Variants in SLC8A1 observed in about 807,000 individuals in gnomAD.
SLC8A1 encodes solute carrier family 8 member A1, also known as sodium/calcium exchanger 1.
In SLC8A1, 18 loss-of-function variants were observed where a neutral mutation model predicts 68.3. That is an observed-to-expected ratio of 0.26 (90% CI 0.18 to 0.39). SLC8A1 has a LOEUF of 0.39. SLC8A1 is among the 10% of genes least tolerant of loss of function. The pLI, the probability that SLC8A1 is intolerant of heterozygous loss-of-function variation, is 1.00. For synonymous variants in SLC8A1, 475 were observed against 415.5 expected, an observed-to-expected ratio of 1.14 and a Z score of -1.74; for missense variants, 985 against 1,156.7, an observed-to-expected ratio of 0.85 and a Z score of 2.15.
intron 2 of SLC8A1, among the ~76,000 whole-genome samples, chr2:40,319,048 G>A (rs2074857736): frequency 6.6e-6 from 1 of 152,078 alleles, no homozygotes; most frequent in Admixed American, 6.6e-5. Flanking sequence ...AAGTGAGACA[G>A]GAATACCCAG....
intron 1 of SLC8A1, among the ~76,000 whole-genome samples, chr2:40,479,387 C>T (rs947097833): frequency 6.6e-6 from 1 of 152,082 alleles, no homozygotes; most frequent in Non-Finnish European, 1.5e-5. Context: ...AGAGCTTGAA[C>T]CCACATTCTT....
intron 3 of SLC8A1, among the ~76,000 whole-genome samples, chr2:40,176,598 T>A (rs2048508944): frequency 6.6e-6 from 1 of 152,176 alleles, no homozygotes; most frequent in Non-Finnish European, 1.5e-5. Context: ...CATCTTGAAC[T>A]TGATTAACAC....
At chr2:40,125,028 T>C (rs542391135) in intron 7 of SLC8A1, among the ~76,000 whole-genome samples, 12 of 152,362 alleles carry the variant, frequency 7.9e-5, no homozygotes, top group African/African-American at 2.9e-4. Context: ...GGATTTCTTT[T>C]TGTTGCTTGC....
intron 2 of SLC8A1, among the ~76,000 whole-genome samples, chr2:40,318,293 T>G (rs945818950): frequency 3.3e-5 from 5 of 151,938 alleles, no homozygotes; most frequent in Admixed American, 6.6e-5. Context: ...AATTAGAGCC[T>G]CTCCTGAAAG....
chr2:40,172,523 T>G (rs1177506319), intron 4 of SLC8A1, among the ~76,000 whole-genome samples: 2 of 152,060 alleles, frequency 1.3e-5, no homozygotes, highest in Non-Finnish European at 2.9e-5. Flanking sequence ...CAGGAAAAGT[T>G]GGATATTATC....
At chr2:40,357,767 G>A (rs1048724134) in intron 2 of SLC8A1, among the ~76,000 whole-genome samples, 9 of 152,000 alleles carry the variant, frequency 5.9e-5, no homozygotes, top group Admixed American at 3.9e-4. Flanking sequence ...CTAATCAAAT[G>A]GATTAAAAGC....
chr2:40,343,543 A>G (rs1233445171), intron 2 of SLC8A1, among the ~76,000 whole-genome samples: 1 of 152,238 alleles, frequency 6.6e-6, no homozygotes. Context: ...ATCAGGTGAC[A>G]GTGCTGGAGC....
At position 40,378,902 on chromosome 2, in the gene SLC8A1, C is replaced by G. The variant is rs548483812; in HGVS notation, c.1808+49571G>C. On this transcript the variant is annotated intron_variant, in intron 2 of 7. Transcript: ENST00000406785. ...CATATTCTAAAGTAGCAGTATCAAACACTCTATCTCCTTCTCCTGCCTAAG... is the reference window on the plus strand; with the variant it reads ...CATATTCTAAAGTAGCAGTATCAAAGACTCTATCTCCTTCTCCTGCCTAAG... 2.0e-5 allele frequency among the ~76,000 whole-genome samples: 3 copies of G among 152,164 alleles called. No homozygotes were observed. In the South Asian group the frequency reaches 6.2e-4, roughly 32 times the overall value.
exon 2 of SLC8A1, chr2:40,429,724 C>G: frequency 6.2e-7 from 1 of 1,613,850 alleles, no homozygotes. Context: ...CACATAAACA[C>G]AGAGTGCAAT....
At chr2:40,239,177 C>G (rs1031054661) in intron 2 of SLC8A1, among the ~76,000 whole-genome samples, 9 of 152,146 alleles carry the variant, frequency 5.9e-5, no homozygotes, top group African/African-American at 2.2e-4. Context: ...AAATGTCAAT[C>G]ATGCAAAAAG....
intron 1 of SLC8A1, among the ~76,000 whole-genome samples, chr2:40,438,222 C>G (rs1480634373): frequency 6.6e-6 from 1 of 152,152 alleles, no homozygotes; most frequent in East Asian, 1.9e-4. Context: ...TTGTTCACCA[C>G]TAACCCTGAA....
At chr2:40,214,962 C>A (rs963748916) in intron 2 of SLC8A1, among the ~76,000 whole-genome samples, 1 of 152,150 alleles carries the variant, frequency 6.6e-6, no homozygotes, top group Non-Finnish European at 1.5e-5. Flanking sequence ...TCTCATGGAG[C>A]AGTGGACTAG....
At chr2:40,511,315 C>T (rs959243257) in intron 1 of SLC8A1, among the ~76,000 whole-genome samples, 2 of 152,056 alleles carry the variant, frequency 1.3e-5, no homozygotes, top group African/African-American at 4.8e-5. Flanking sequence ...GCAAAACATG[C>T]ATATTTTAAA....
intron 7 of SLC8A1, 46 bp from the exon 11 acceptor site, chr2:40,115,675 A>G (rs755818311): frequency 6.4e-7 from 1 of 1,568,080 alleles, no homozygotes. Flanking sequence ...TCTTTTAGAG[A>G]TGTCTTTGGA....
intron 1 of SLC8A1, among the ~76,000 whole-genome samples, chr2:40,448,367 T>G (rs1273872815): frequency 6.6e-6 from 1 of 152,206 alleles, no homozygotes; most frequent in Non-Finnish European, 1.5e-5. Flanking sequence ...CCCATTGGAC[T>G]AGTCCTGAAT....
intron 2 of SLC8A1, among the ~76,000 whole-genome samples, chr2:40,380,106 G>T (rs1159299685): frequency 6.6e-6 from 1 of 152,092 alleles, no homozygotes; most frequent in Non-Finnish European, 1.5e-5. Context: ...TCAGTGCTTT[G>T]TAGTTTACAA....
intron 2 of SLC8A1, among the ~76,000 whole-genome samples, chr2:40,180,223 A>G (rs1573653642): frequency 1.6e-5 from 1 of 64,232 alleles, no homozygotes; most frequent in Admixed American, 1.5e-4. Context: ...TATTTTTTAA[A>G]TTTGCATCTT....
exon 8 of SLC8A1, chr2:40,104,841 C>A (rs991290807): frequency 1.3e-5 from 2 of 152,104 alleles, no homozygotes; most frequent in Admixed American, 1.3e-4. Context: ...CTGGAAAACA[C>A]GCTTGCTAAA....
intron 2 of SLC8A1, among the ~76,000 whole-genome samples, chr2:40,249,052 C>T (rs1383303317): frequency 6.6e-6 from 1 of 152,062 alleles, no homozygotes; most frequent in Non-Finnish European, 1.5e-5. Context: ...GCCAACTGTC[C>T]CTGGGTCCTT....
Sources: gnomAD v4.1 joint callset for allele counts (sites outside exome capture counted in the v4.1 genomes callset) on GRCh38, gnomAD v4.1.1 for gene constraint, MANE v1.5 for transcripts, NCBI Gene and HGNC (gene_info 2026-07-23, HGNC 2026-07-21) for gene names.